The following CTDSPL variants were observed in gnomAD, a reference collection of about 807,000 sequenced individuals.
CTDSPL encodes CTD small phosphatase like, also known as CTD small phosphatase-like protein.
Under a neutral mutation model 30.5 loss-of-function variants are expected in CTDSPL, and 8 were observed. The ratio of observed to expected loss-of-function variants is 0.26; its 90% CI spans 0.15 to 0.47. The LOEUF is 0.47. CTDSPL is among the 20% of genes least tolerant of loss of function. CTDSPL has a pLI of 0.99. For synonymous variants in CTDSPL, 110 were observed against 137.9 expected, an observed-to-expected ratio of 0.80 and a Z score of 1.42; for missense variants, 248 against 366.1, an observed-to-expected ratio of 0.68 and a Z score of 2.63.
intron 1 of CTDSPL, among the ~76,000 whole-genome samples, chr3:37,916,421 T>C (rs1297779799): frequency 2.6e-5 from 4 of 152,336 alleles, no homozygotes; most frequent in East Asian, 3.8e-4. Context: ...AAATGTTACC[T>C]TATTTGGAAA....
intron 2 of CTDSPL, among the ~76,000 whole-genome samples, chr3:37,956,148 C>A (rs1187780522): frequency 6.6e-6 from 1 of 152,204 alleles, no homozygotes; most frequent in Non-Finnish European, 1.5e-5. Context: ...GAGGTGATGA[C>A]TAGGGGTTGG....
At chr3:37,898,422 A>T (rs1179209005) in intron 1 of CTDSPL, among the ~76,000 whole-genome samples, 1 of 152,216 alleles carries the variant, frequency 6.6e-6, no homozygotes, top group Non-Finnish European at 1.5e-5. Flanking sequence ...TAGCAATATT[A>T]GGTTGGACCA....
chr3:37,890,819 G>C (rs955827096), intron 1 of CTDSPL, among the ~76,000 whole-genome samples: 1 of 152,092 alleles, frequency 6.6e-6, no homozygotes, highest in Non-Finnish European at 1.5e-5. Flanking sequence ...AGGCTGAGCG[G>C]GAGTGTATAC....
chr3:37,906,049 GGTTA>G (rs1232547910), intron 1 of CTDSPL, among the ~76,000 whole-genome samples: 1 of 152,134 alleles, frequency 6.6e-6, no homozygotes, highest in African/African-American at 2.4e-5. Flanking sequence ...AGGAGGGTTG[GGTTA>G]GTTAGTTCTT....
At chr3:37,957,083 C>CA (rs756313699) in intron 2 of CTDSPL, 28 bp from the exon 3 acceptor site, 2 of 1,590,146 alleles carry the variant, frequency 1.3e-6, no homozygotes, top group Non-Finnish European at 1.7e-6. Context: ...TCGAACCTGA[C>CA]AATGATTTTT....
intron 1 of CTDSPL, among the ~76,000 whole-genome samples, chr3:37,867,726 C>T (rs1206736158): frequency 5.3e-5 from 8 of 152,040 alleles, no homozygotes; most frequent in Non-Finnish European, 1.2e-4. Flanking sequence ...ACCTAGTGTC[C>T]CCTAACGCTA....
chr3:37,898,260 T>C (rs1698410137), intron 1 of CTDSPL, among the ~76,000 whole-genome samples: 1 of 152,078 alleles, frequency 6.6e-6, no homozygotes, highest in Non-Finnish European at 1.5e-5. Context: ...CAGGCCCCAG[T>C]GAGAGGAGAA....
Position 37,862,250 on chromosome 3 carries a change from G to C in CTDSPL, c.51G>C (p.Glu17Asp). ...ITQVTNPKED[E>D]GRLPGAGEKA... ...AGGTGACCAACCCCAAGGAGGACGA[G>C]GGCCGGTTGCCGGGCGCGGGCGAGA... Residue 17 changes from glutamate (E) to aspartate (D), a missense_variant, in exon 1 of 8, where the codon GAG becomes GAC. By Grantham distance (45) the Glu-to-Asp change is conservative. This residue lies in a region of CTDSPL where 118 missense variants were observed against 124.7 expected (regional missense o/e 0.95). Transcript: ENST00000273179. The surrounding 1 kb of genome is among the most constrained non-coding windows in gnomAD (Gnocchi z 4.3). 6.7e-7 allele frequency: 1 copy of C among 1,493,666 alleles called. No individual in the cohort carries two copies. The highest frequency in any genetic ancestry group is 8.9e-7 in the Non-Finnish European group (1 of 1,124,916). 92.5% of individuals were successfully genotyped at this position (1,493,666 alleles called of 1,614,324 possible). A position where few individuals can be genotyped will look rare whatever the true frequency, so the allele number is the denominator to read the frequency against.
At chr3:37,877,757 G>C (rs1297659754) in intron 1 of CTDSPL, among the ~76,000 whole-genome samples, 1 of 152,170 alleles carries the variant, frequency 6.6e-6, no homozygotes, top group African/African-American at 2.4e-5. Context: ...CTTGGCTTCT[G>C]CTGTAGCCTC....
At chr3:37,920,267 C>A (rs541448455) in intron 1 of CTDSPL, among the ~76,000 whole-genome samples, 1 of 152,136 alleles carries the variant, frequency 6.6e-6, no homozygotes, top group African/African-American at 2.4e-5. Context: ...GGACTGTTGC[C>A]GGAGGTGAGA....
At chr3:37,913,250 G>T (rs1698603800) in intron 1 of CTDSPL, among the ~76,000 whole-genome samples, 1 of 152,180 alleles carries the variant, frequency 6.6e-6, no homozygotes, top group South Asian at 2.1e-4. Flanking sequence ...AGCCCAGGAG[G>T]TGGAGGTTGC....
chr3:37,870,591 TC>T (rs879605538), intron 1 of CTDSPL, among the ~76,000 whole-genome samples: 11 of 152,278 alleles, frequency 7.2e-5, no homozygotes, highest in Admixed American at 2.0e-4. Context: ...TTTCCTTACT[TC>T]CGCTTTATTT....
chr3:37,894,565 T>G (rs1698370168), intron 1 of CTDSPL, among the ~76,000 whole-genome samples: 1 of 152,220 alleles, frequency 6.6e-6, no homozygotes, highest in South Asian at 2.1e-4. Flanking sequence ...GCTTTCTTTA[T>G]GTTTATCTTG....
At chr3:37,939,107 A>G (rs910896435) in intron 1 of CTDSPL, among the ~76,000 whole-genome samples, 1 of 150,192 alleles carries the variant, frequency 6.7e-6, no homozygotes, top group African/African-American at 2.4e-5. Context: ...TCATAAAGCC[A>G]GGCTGTTTTT....
chr3:37,902,226 GATGGGTC>G (rs897822789), intron 1 of CTDSPL, among the ~76,000 whole-genome samples: 1 of 152,208 alleles, frequency 6.6e-6, no homozygotes, highest in Admixed American at 6.5e-5. Context: ...GTGCGTGTTT[GATGGGTC>G]AGTGGCCATC....
intron 1 of CTDSPL, among the ~76,000 whole-genome samples, chr3:37,897,255 C>T (rs142554613): frequency 5.3e-5 from 8 of 152,174 alleles, no homozygotes; most frequent in Admixed American, 2.0e-4. Context: ...TGAACTTTCA[C>T]GTTATGAAAA....
At position 37,927,705 on chromosome 3, in the gene CTDSPL, TAA is replaced by T. The variant is rs1553684237; in HGVS notation, c.80-19347_80-19346del. On this transcript the variant is annotated intron_variant, in intron 1 of 7. Coordinates refer to ENST00000273179, the MANE Select transcript of CTDSPL (RefSeq NM_001008392.2). ...ATGTGTATATATATATATATATATA[TAA>T]AAAATGAAATCTACCCTCTTAAGTT... Among the ~76,000 whole-genome samples, 339 of 146,904 alleles carry T rather than the reference TAA, an allele frequency of 2.3e-3. 1 individual carries two copies. The highest frequency in any genetic ancestry group is 0.014 in the Middle Eastern group (4 of 284).
intron 2 of CTDSPL, chr3:37,955,281 A>G (rs1699158089): frequency 6.6e-6 from 1 of 152,414 alleles, no homozygotes; most frequent in Middle Eastern, 3.4e-3. Flanking sequence ...GAAGTGACCC[A>G]GCCAGGTATG....
chr3:37,956,394 G>A (rs1699173486), intron 2 of CTDSPL, among the ~76,000 whole-genome samples: 1 of 152,212 alleles, frequency 6.6e-6, no homozygotes, highest in African/African-American at 2.4e-5. Context: ...AACTGGAAAT[G>A]CTCAGTGGAA....
Sources: allele counts gnomAD v4.1 joint callset (sites outside exome capture counted in the v4.1 genomes callset), GRCh38; gene constraint gnomAD v4.1.1; regional missense constraint gnomAD v4.1.1; non-coding constraint Gnocchi (gnomAD v3.1); transcripts MANE v1.5; gene names NCBI Gene and HGNC (gene_info 2026-07-23, HGNC 2026-07-21).